Variants in RGPD4 observed in about 807,000 individuals in gnomAD.
RGPD4 encodes RANBP2 like and GRIP domain containing 4, also known as ranBP2-like and GRIP domain-containing protein 4.
A neutral mutation model predicts 141.1 loss-of-function variants in RGPD4; 84 were observed. The observed-to-expected ratio is 0.60, with a 90% CI of 0.50 to 0.71. The LOEUF is 0.71. Ranked by LOEUF, RGPD4 falls within the 30% of genes least tolerant of loss-of-function variation. RGPD4 has a pLI of 0.00. For missense variants in RGPD4, 918 were observed against 1,622.4 expected (o/e 0.57, Z 7.46); for synonymous variants, 298 against 566.8 (o/e 0.53, Z 6.74).
intron 22 of RGPD4, among the ~76,000 whole-genome samples, chr2:107,889,067 C>T (rs574673460): frequency 2.4e-3 from 357 of 150,050 alleles, no homozygotes; most frequent in African/African-American, 7.7e-3. Flanking sequence ...TAGAAAGTTT[C>T]CCCATGTAAA....
At chr2:107,853,439 T>G (rs2104442196) in intron 7 of RGPD4, among the ~76,000 whole-genome samples, 2 of 142,290 alleles carry the variant, frequency 1.4e-5, no homozygotes, top group East Asian at 4.0e-4. Flanking sequence ...TTCATCATGC[T>G]TTTTTTTTTC....
intron 1 of RGPD4, among the ~76,000 whole-genome samples, chr2:107,834,652 G>A (rs1204868089): frequency 2.0e-5 from 3 of 150,128 alleles, no homozygotes; most frequent in African/African-American, 7.4e-5. Flanking sequence ...AGCGATGCTG[G>A]CAGTTCACAT....
At chr2:107,827,906 G>A (rs867731634) in intron 1 of RGPD4, among the ~76,000 whole-genome samples, 8 of 15,064 alleles carry the variant, frequency 5.3e-4, no homozygotes, top group South Asian at 8.5e-3. Context: ...GGGCGGCGGC[G>A]GCCTCGACCT....
chr2:107,829,997 G>C (rs1681420749), intron 1 of RGPD4, among the ~76,000 whole-genome samples: 1 of 152,088 alleles, frequency 6.6e-6, no homozygotes, highest in African/African-American at 2.4e-5. Context: ...TGACAAGGTA[G>C]GCATCTCAGC....
intron 22 of RGPD4, among the ~76,000 whole-genome samples, chr2:107,887,055 C>T (rs894955543): frequency 1.0e-4 from 15 of 148,062 alleles, no homozygotes; most frequent in African/African-American, 3.7e-4. Flanking sequence ...TCAGCCTGGG[C>T]AACATGGCGA....
chr2:107,857,851 GGGT>G (rs1682380631), intron 9 of RGPD4, among the ~76,000 whole-genome samples: 1 of 151,690 alleles, frequency 6.6e-6, no homozygotes, highest in Admixed American at 6.6e-5. Flanking sequence ...AATTATCCGG[GGGT>G]GGTGGCATGT....
Position 107,854,124 on chromosome 2 carries a change from G to A in RGPD4, c.979-432G>A, listed in dbSNP as rs1002600072. Among the ~76,000 whole-genome samples, 16 of 128,934 alleles carry A rather than the reference G, an allele frequency of 1.2e-4. 1 individual carries two copies. Among genetic ancestry groups the A allele is most frequent in the African/African-American group, 2.3e-4 (7 of 30,888 alleles). The allele number at this position is 128,934 out of a possible 152,430, so 84.6% of individuals were successfully genotyped here. A position where few individuals can be genotyped will look rare whatever the true frequency, so the allele number is the denominator to read the frequency against. On this transcript the variant is annotated intron_variant, in intron 7 of 22. Coordinates refer to ENST00000408999, the MANE Select transcript of RGPD4 (RefSeq NM_182588.3). The stretch of plus-strand genomic sequence containing the variant: ...GGCCGGAGTGCAATGGCACAGTCTC[G>A]GCGCACTACAACCTCTGCCTCCCAG...
chr2:107,854,054 CTTTTT>C (rs1052579812), intron 7 of RGPD4, among the ~76,000 whole-genome samples: 1 of 125,908 alleles, frequency 7.9e-6, no homozygotes. Context: ...TGGCCCCTCT[CTTTTT>C]TTTTTTTTTT....
intron 7 of RGPD4, among the ~76,000 whole-genome samples, chr2:107,849,074 G>A (rs1213101986): frequency 8.2e-6 from 1 of 121,354 alleles, no homozygotes; most frequent in South Asian, 2.9e-4. Flanking sequence ...TATTTTTTTT[G>A]AGACCAAGTC....
At chr2:107,886,034 C>G (rs975118475) in intron 22 of RGPD4, among the ~76,000 whole-genome samples, 1 of 132,588 alleles carries the variant, frequency 7.5e-6, no homozygotes, top group Non-Finnish European at 1.6e-5. Context: ...GCCCGAGCAA[C>G]AAGATCAAAA....
rs1375657185 is a variant in RGPD4, at chr2:107,844,822, TC to T, written c.782+1093del. ...GGGTTCCTTTCTTTCTTTCTTTCTT[TC>T]TTTTTTGTTTTTTTTTTTTTTTTTT... is the stretch of plus-strand genomic sequence containing the variant. On this transcript the variant is annotated intron_variant, in intron 6 of 22. Coordinates refer to ENST00000408999, the MANE Select transcript of RGPD4 (RefSeq NM_182588.3). 5.6e-4 allele frequency among the ~76,000 whole-genome samples: 50 copies of T among 88,572 alleles called. 1 individual carries two copies. Among genetic ancestry groups the T allele is most frequent in the African/African-American group, 1.7e-3 (41 of 24,154 alleles). The allele number at this position is 88,572 out of a possible 152,430, so 58.1% of individuals were successfully genotyped here.
chr2:107,866,929 ATACAGTAAACAGTTAATGAACTAAGGT>A (rs1682747214), intron 18 of RGPD4, among the ~76,000 whole-genome samples: 1 of 149,666 alleles, frequency 6.7e-6, no homozygotes, highest in Non-Finnish European at 1.5e-5. Context: ...TTATTAGAGT[ATACAGTAAACAGTTAATGAACTAAGGT>A]TACTAATAGT....
chr2:107,833,383 C>T (rs150792603), intron 1 of RGPD4, among the ~76,000 whole-genome samples: 180 of 152,224 alleles, frequency 1.2e-3, no homozygotes, highest in Non-Finnish European at 1.3e-3. Context: ...TTCCTGTTTT[C>T]AGCCCTGCAT....
At chr2:107,851,242 C>G (rs902583225) in intron 7 of RGPD4, among the ~76,000 whole-genome samples, 4 of 89,968 alleles carry the variant, frequency 4.4e-5, no homozygotes, top group African/African-American at 9.7e-5. Flanking sequence ...AGCTCGGTAG[C>G]TGGGACTACA....
Position 107,872,675 on chromosome 2 carries a change from A to G in RGPD4, c.4671A>G (p.Pro1557=), listed in dbSNP as rs774841837. 2 of 1,611,138 alleles carry G rather than the reference A, an allele frequency of 1.2e-6. No homozygotes were observed. Among genetic ancestry groups the G allele is most frequent in the South Asian group, 2.2e-5 (2 of 90,968 alleles). ...KRIFSSEKSK[P]FAFGNSSATG... is the part of the protein sequence containing the mutation. ...TTTTTAGTAGTGAAAAATCAAAACC[A>G]TTTGCATTTGGCAACAGTTCTGCCA... The change falls in exon 20 of 23, where the codon CCA becomes CCG. Residue 1557 remains proline (P), a synonymous_variant. Transcript: ENST00000408999.
Position 107,882,849 on chromosome 2 carries a change from G to A in RGPD4, c.5242G>A (p.Gly1748Arg), listed in dbSNP as rs1238257089. 9.3e-6 allele frequency: 15 copies of A among 1,609,326 alleles called. No individual in the cohort carries two copies. Among genetic ancestry groups the A allele is most frequent in the African/African-American group, 1.4e-5 (1 of 73,640 alleles). Residue 1748 changes from glycine (G) to arginine (R), a missense_variant, in exon 22 of 23, where the codon GGA becomes AGA. Physicochemically the swap from Gly to Arg is moderately radical, Grantham distance 125 (BLOSUM62 -2). Transcript: ENST00000408999. ...GTTGCAGCTCAGCCCTGAAGAAAAG[G>A]GAAAACTTGCTGCGGTTGCTCAAGG... is the stretch of plus-strand genomic sequence containing the variant. The part of the protein sequence containing the change: ...TMLQLSPEEK[G>R]KLAAVAQGEE
chr2:107,846,990 C>T (rs1209904135), intron 6 of RGPD4, among the ~76,000 whole-genome samples: 3 of 151,578 alleles, frequency 2.0e-5, no homozygotes, highest in African/African-American at 4.8e-5. Flanking sequence ...GCCTGTAATC[C>T]CAGCACTTTG....
chr2:107,885,460 C>T (rs953578023), intron 22 of RGPD4, among the ~76,000 whole-genome samples: 4 of 152,064 alleles, frequency 2.6e-5, no homozygotes, highest in African/African-American at 9.7e-5. Flanking sequence ...CAGGTGGCTC[C>T]TATAAGTTAA....
rs992028124 is a variant in RGPD4 at position 107,871,252 on chromosome 2, G to C, written c.3248G>C (p.Gly1083Ala). 3.1e-6 allele frequency: 5 copies of C among 1,608,328 alleles called. No homozygotes were observed. The Admixed American group carries it at 6.7e-5, about 22-fold the overall frequency. ...EVRQWKERGL[G>A]NLKILKNEVN... ...AGGCAGTGGAAAGAAAGGGGCTTGG[G>C]GAACTTAAAAATTCTCAAAAACGAG... The change falls in exon 20 of 23, where the codon GGG becomes GCG. Residue 1083 changes from glycine to alanine, a missense_variant. By Grantham distance (60) the Gly-to-Ala change is moderately conservative. Transcript: ENST00000408999.
Sources: gnomAD v4.1 joint callset for allele counts (sites outside exome capture counted in the v4.1 genomes callset) on GRCh38, gnomAD v4.1.1 for gene constraint, MANE v1.5 for transcripts, NCBI Gene and HGNC (gene_info 2026-07-23, HGNC 2026-07-21) for gene names.